The following NALF1 variants were observed in gnomAD, a reference collection of about 807,000 sequenced individuals.
NALF1 encodes NALCN channel auxiliary factor 1, also known as family with sequence similarity 155 member A.
In NALF1, 3 loss-of-function variants were observed where a neutral mutation model predicts 48.4. The observed-to-expected ratio is 0.06, with a 90% CI of 0.03 to 0.16. NALF1 has a LOEUF of 0.16. Ranked by LOEUF, NALF1 falls within the 10% of genes least tolerant of loss-of-function variation. NALF1 has a pLI of 1.00. For missense variants in NALF1, 526 were observed against 571.5 expected (o/e 0.92, Z 0.81); for synonymous variants, 262 against 245.7 (o/e 1.07, Z -0.62).
intron 1 of NALF1, among the ~76,000 whole-genome samples, chr13:107,510,670 T>C (rs759907964): frequency 6.6e-6 from 1 of 152,178 alleles, no homozygotes; most frequent in African/African-American, 2.4e-5. Context: ...GAGTTTGCCT[T>C]GTGAGGCCTT....
intron 1 of NALF1, among the ~76,000 whole-genome samples, chr13:107,462,089 C>CCCTA (rs1292097087): frequency 6.6e-6 from 1 of 152,130 alleles, no homozygotes; most frequent in Non-Finnish European, 1.5e-5. Context: ...GGAGGCTGAA[C>CCCTA]CCTACTAAGG....
At position 107,564,199 on chromosome 13, in the gene NALF1, C is replaced by T. The variant is rs544883244; in HGVS notation, c.915+301483G>A. 1.2e-3 allele frequency among the ~76,000 whole-genome samples: 188 copies of T among 152,284 alleles called. 3 individuals are homozygous for T. The highest frequency in any genetic ancestry group is 4.3e-3 in the African/African-American group (179 of 41,548). On this transcript the variant is annotated intron_variant, in intron 1 of 2. Transcript: ENST00000375915. ...ATTTCTGCAATCTAAAAGTTCATCC[C>T]TCAAATTTAAATATGCAACTGATCA...
Position 107,866,898 on chromosome 13 carries a change from T to C in NALF1, c.-302A>G, listed in dbSNP as rs930373237. ...TCCTCTGTAGAGTGGGAAACAATAA[T>C]GGAGAGAGAGAGAGAGAGAGAGACG... On this transcript the variant is annotated 5_prime_UTR_variant, in exon 1 of 3. Coordinates refer to ENST00000375915, the MANE Select transcript of NALF1 (RefSeq NM_001080396.3). This position sits in a 1 kb window ranked among gnomAD's most constrained non-coding sequence, Gnocchi z 4.4. Among the ~76,000 whole-genome samples, 2 of 133,168 alleles carry C rather than the reference T, an allele frequency of 1.5e-5. No individual in the cohort carries two copies. The highest frequency in any genetic ancestry group is 2.5e-5 in the African/African-American group (1 of 39,894). The allele number at this position is 133,168 out of a possible 152,430, so 87.4% of individuals were successfully genotyped here. A position where few individuals can be genotyped will look rare whatever the true frequency, so the allele number is the denominator to read the frequency against.
At chr13:107,804,456 G>C (rs1284425992) in intron 1 of NALF1, among the ~76,000 whole-genome samples, 1 of 147,704 alleles carries the variant, frequency 6.8e-6, no homozygotes, top group Non-Finnish European at 1.5e-5. Flanking sequence ...CTATAAACAT[G>C]TGTCCTATCC....
intron 1 of NALF1, among the ~76,000 whole-genome samples, chr13:107,654,404 G>A (rs1372057408): frequency 6.6e-6 from 1 of 152,094 alleles, no homozygotes; most frequent in Non-Finnish European, 1.5e-5. Context: ...AGAGGAGACG[G>A]ATAAATTCCC....
At chr13:107,630,931 T>C (rs1395803039) in intron 1 of NALF1, among the ~76,000 whole-genome samples, 2 of 152,146 alleles carry the variant, frequency 1.3e-5, no homozygotes, top group Non-Finnish European at 2.9e-5. Flanking sequence ...AATGTGTAAA[T>C]ATAGTAGTCT....
At chr13:107,760,210 T>C (rs1175194088) in intron 1 of NALF1, among the ~76,000 whole-genome samples, 3 of 152,204 alleles carry the variant, frequency 2.0e-5, no homozygotes, top group Admixed American at 6.5e-5. Context: ...CAGAGGGATA[T>C]GTTTGATTTT....
At chr13:107,832,484 A>G (rs1879767353) in intron 1 of NALF1, among the ~76,000 whole-genome samples, 9 of 152,144 alleles carry the variant, frequency 5.9e-5, no homozygotes, top group Admixed American at 5.9e-4. Context: ...TGCTAACCCC[A>G]GTTGGATCCC....
At chr13:107,743,255 C>T (rs1876688868) in intron 1 of NALF1, among the ~76,000 whole-genome samples, 1 of 152,192 alleles carries the variant, frequency 6.6e-6, no homozygotes, top group Admixed American at 6.5e-5. Flanking sequence ...TCCCTATCTC[C>T]TTCCTTTCCT....
chr13:107,277,201 T>C (rs1881298693), intron 1 of NALF1, among the ~76,000 whole-genome samples: 1 of 152,336 alleles, frequency 6.6e-6, no homozygotes, highest in South Asian at 2.1e-4. Flanking sequence ...CTTTTTTTCC[T>C]TCATAGCTGA....
intron 1 of NALF1, among the ~76,000 whole-genome samples, chr13:107,270,948 AATGATGGTTTCCAGTTTCATCC>A (rs1385002629): frequency 6.6e-6 from 1 of 151,998 alleles, no homozygotes; most frequent in African/African-American, 2.4e-5. Flanking sequence ...GTTTGCTGAG[AATGATGGTTTCCAGTTTCATCC>A]ATGATTTTAA....
intron 1 of NALF1, among the ~76,000 whole-genome samples, chr13:107,643,374 C>A (rs1316350797): frequency 6.6e-6 from 1 of 152,052 alleles, no homozygotes; most frequent in Non-Finnish European, 1.5e-5. Flanking sequence ...GGGCTAGCAA[C>A]CATAGTTTAA....
At chr13:107,560,628 T>A (rs1179853754) in intron 1 of NALF1, among the ~76,000 whole-genome samples, 1 of 152,160 alleles carries the variant, frequency 6.6e-6, no homozygotes, top group Non-Finnish European at 1.5e-5. Flanking sequence ...AGTATGTTCT[T>A]TCTGCTCATG....
At chr13:107,441,185 A>T (rs1884553292) in intron 1 of NALF1, among the ~76,000 whole-genome samples, 2 of 152,206 alleles carry the variant, frequency 1.3e-5, no homozygotes, top group African/African-American at 4.8e-5. Flanking sequence ...GAGACAGAAA[A>T]CTGTGACAAT....
At chr13:107,678,567 A>G (rs1881192760) in intron 1 of NALF1, among the ~76,000 whole-genome samples, 1 of 152,202 alleles carries the variant, frequency 6.6e-6, no homozygotes, top group South Asian at 2.1e-4. Flanking sequence ...GCGGTTTTGT[A>G]TTAGTTCACT....
chr13:107,407,658 T>C (rs911699623), intron 1 of NALF1, among the ~76,000 whole-genome samples: 17 of 151,948 alleles, frequency 1.1e-4, no homozygotes, highest in Non-Finnish European at 5.9e-5. Context: ...AAACTGTTGG[T>C]GTAAATGGAA....
At chr13:107,333,088 T>A (rs1325589009) in intron 1 of NALF1, among the ~76,000 whole-genome samples, 1 of 152,076 alleles carries the variant, frequency 6.6e-6, no homozygotes. Flanking sequence ...TCAAGTGATC[T>A]GCCCGCCTCG....
intron 1 of NALF1, among the ~76,000 whole-genome samples, chr13:107,558,813 T>C (rs1396844691): frequency 6.6e-6 from 1 of 152,350 alleles, no homozygotes; most frequent in East Asian, 1.9e-4. Context: ...GTCGAGGTCC[T>C]GGATTGAACA....
chr13:107,238,199 G>A (rs1323482836), intron 1 of NALF1, among the ~76,000 whole-genome samples: 1 of 152,200 alleles, frequency 6.6e-6, no homozygotes, highest in Non-Finnish European at 1.5e-5. Context: ...CATAGAGCCA[G>A]CATGGTGCAG....
Sources: allele counts gnomAD v4.1 joint callset (sites outside exome capture counted in the v4.1 genomes callset), GRCh38; gene constraint gnomAD v4.1.1; non-coding constraint Gnocchi (gnomAD v3.1); transcripts MANE v1.5; gene names NCBI Gene and HGNC (gene_info 2026-07-23, HGNC 2026-07-21).